CACUL1: variants seen among roughly 807,000 people sequenced by gnomAD.
CACUL1 encodes the protein CDK2 associated cullin domain 1.
In CACUL1, 13 loss-of-function variants were observed where a neutral mutation model predicts 45.2. That is an observed-to-expected ratio of 0.29 (90% CI 0.19 to 0.46). CACUL1 has a LOEUF of 0.46. CACUL1 is among the 20% of genes least tolerant of loss of function. CACUL1 has a pLI of 1.00. For missense variants in CACUL1, 421 were observed against 471.4 expected (o/e 0.89, Z 0.99); for synonymous variants, 197 against 174.2 (o/e 1.13, Z -1.03).
intron 3 of CACUL1, among the ~76,000 whole-genome samples, chr10:118,725,395 G>A (rs1357322107): frequency 6.6e-6 from 1 of 152,180 alleles, no homozygotes; most frequent in Non-Finnish European, 1.5e-5. Flanking sequence ...TTGAGCCCAG[G>A]AGGTCAAGGC....
chr10:118,683,025 AC>A lies in CACUL1; in HGVS notation c.*3102del, dbSNP rs1282390863. On this transcript the variant is annotated 3_prime_UTR_variant, in exon 9 of 9. Transcript: ENST00000369151. ...AACACCAGGTTTTGCTTTCTGCCCC[AC>A]AAAAAAACAGTAGTTAATTCCTGTC... 1.3e-5 allele frequency: 2 copies of A among 152,224 alleles called. No individual in the cohort carries two copies. Among genetic ancestry groups the A allele is most frequent in the African/African-American group, 4.8e-5 (2 of 41,450 alleles). 9.4% of individuals were successfully genotyped at this position (152,224 alleles called of 1,614,324 possible).
rs370652694 is a variant in CACUL1, at chr10:118,706,794, CAG to C, written c.693+696_693+697del. On this transcript the variant is annotated intron_variant, in intron 4 of 8. Transcript: ENST00000369151. ...TGGAAAGTGCCTTCTAAATTAAAGACAGGGGTAGTTTTGTTTTGTTTTTGTTA... is the reference window on the plus strand; with the variant it reads ...TGGAAAGTGCCTTCTAAATTAAAGACGGGTAGTTTTGTTTTGTTTTTGTTA... Among the ~76,000 whole-genome samples the C allele has an allele frequency of 6.2e-3, 940 of 152,242 alleles. 2 individuals carry two copies. Among genetic ancestry groups the C allele is most frequent in the Admixed American group, 0.015 (222 of 15,304 alleles).
chr10:118,720,531 C>T (rs1240416357), intron 3 of CACUL1, among the ~76,000 whole-genome samples: 1 of 152,166 alleles, frequency 6.6e-6, no homozygotes, highest in Non-Finnish European at 1.5e-5. Context: ...GTACTCTGTA[C>T]ACCATGCAAA....
chr10:118,750,788 A>G (rs557730723), intron 1 of CACUL1, among the ~76,000 whole-genome samples: 3 of 79,822 alleles, frequency 3.8e-5, no homozygotes, highest in African/African-American at 1.2e-4. Context: ...TCAGCTTTCT[A>G]ATTTTTGTCA....
At chr10:118,693,030 A>C (rs1845287405) in intron 6 of CACUL1, 2 of 152,278 alleles carry the variant, frequency 1.3e-5, no homozygotes, top group African/African-American at 4.8e-5. Context: ...AGTCAAACCC[A>C]TCTGCCACAA....
intron 7 of CACUL1, among the ~76,000 whole-genome samples, chr10:118,690,495 A>C (rs1017302727): frequency 2.6e-5 from 4 of 152,164 alleles, no homozygotes; most frequent in African/African-American, 9.7e-5. Context: ...ATTAAGCGCA[A>C]AAACTTTAGA....
In CACUL1 at chr10:118,754,888, C is replaced by T. The variant is rs960387493; in HGVS notation, c.-126G>A. On this transcript the variant is annotated 5_prime_UTR_variant, in exon 1 of 9. Transcript: ENST00000369151. ...GCAGGAATGGGCGCAGCGGAGAGGG[C>T]TGCGGTGCGCAGGGTCTCTCGCTCT... 1 of 1,330,826 alleles carries T rather than the reference C, an allele frequency of 7.5e-7. No individual in the cohort carries two copies. The allele number at this position is 1,330,826 out of a possible 1,614,324, so 82.4% of individuals were successfully genotyped here.
chr10:118,720,729 T>C (rs1170957589), intron 3 of CACUL1, among the ~76,000 whole-genome samples: 1 of 152,240 alleles, frequency 6.6e-6, no homozygotes, highest in Admixed American at 6.5e-5. Flanking sequence ...TTTTTGGGCC[T>C]GGTATTATGT....
At chr10:118,731,848 C>T (rs1290562825) in intron 1 of CACUL1, among the ~76,000 whole-genome samples, 2 of 151,984 alleles carry the variant, frequency 1.3e-5, no homozygotes, top group African/African-American at 4.8e-5. Flanking sequence ...AAAAAATCAA[C>T]AAGGCTGTAG....
intron 6 of CACUL1, among the ~76,000 whole-genome samples, chr10:118,691,980 A>C (rs1351912782): frequency 6.6e-6 from 1 of 152,112 alleles, no homozygotes; most frequent in Non-Finnish European, 1.5e-5. Context: ...TTTTGAACAA[A>C]TCTTACAGAA....
chr10:118,678,884 T>C lies in CACUL1; in HGVS notation c.*7244A>G, dbSNP rs1167698165. The C allele has an allele frequency of 2.0e-5, 3 of 152,332 alleles. No homozygotes were observed. Among genetic ancestry groups the C allele is most frequent in the Admixed American group, 6.5e-5 (1 of 15,300 alleles). The allele number at this position is 152,332 out of a possible 1,614,324, so 9.4% of individuals were successfully genotyped here. On this transcript the variant is annotated 3_prime_UTR_variant, in exon 9 of 9. Transcript: ENST00000369151. ...AAATTGATTAGCTGTACTATTTAAATCTTCTATGTCCTTAATAATCTTCAT... is the reference window on the plus strand; with the variant it reads ...AAATTGATTAGCTGTACTATTTAAACCTTCTATGTCCTTAATAATCTTCAT...
At position 118,680,719 on chromosome 10, in the gene CACUL1, A is replaced by G. The variant is rs1845145134; in HGVS notation, c.*5409T>C. 2.0e-5 allele frequency: 3 copies of G among 152,228 alleles called. No individual in the cohort carries two copies. Among genetic ancestry groups the G allele is most frequent in the Admixed American group, 2.0e-4 (3 of 15,288 alleles). 9.4% of individuals were successfully genotyped at this position (152,228 alleles called of 1,614,324 possible). The stretch of plus-strand genomic sequence containing the variant: ...ATATACTGATATCCGTATCCATACT[A>G]TATATGAATATAGAATAGATATGAC... On this transcript the variant is annotated 3_prime_UTR_variant, in exon 9 of 9. Transcript: ENST00000369151.
chr10:118,754,912 C>G lies in CACUL1; in HGVS notation c.-150G>C. The G allele has an allele frequency of 9.0e-7, 1 of 1,114,134 alleles. No homozygotes were observed. The highest frequency in any genetic ancestry group is 1.2e-6 in the Non-Finnish European group (1 of 813,636). The allele number at this position is 1,114,134 out of a possible 1,614,324, so 69.0% of individuals were successfully genotyped here. On this transcript the variant is annotated 5_prime_UTR_variant, in exon 1 of 9. Transcript: ENST00000369151. ...GCTGCGGTGCGCAGGGTCTCTCGCT[C>G]TCCGCGGGGCCGACTAGCTTGAAGA...
rs577313624 is a variant in CACUL1 at position 118,685,826 on chromosome 10, CTG to C, written c.*300_*301del. On this transcript the variant is annotated 3_prime_UTR_variant, in exon 9 of 9. Transcript: ENST00000369151. ...TTTTGGAGGAAGCTGCTGATTTTGG[CTG>C]TCAGATTTCACTTAGAAATGGTCAC... The C allele has an allele frequency of 1.2e-5, 3 of 241,670 alleles. No homozygotes were observed. Among genetic ancestry groups the C allele is most frequent in the African/African-American group, 6.7e-5 (3 of 44,590 alleles). The allele number at this position is 241,670 out of a possible 1,614,324, so 15.0% of individuals were successfully genotyped here. A position where few individuals can be genotyped will look rare whatever the true frequency, so the allele number is the denominator to read the frequency against.
At chr10:118,695,114 A>G in intron 6 of CACUL1, 27 bp downstream of exon 6, 1 of 1,336,996 alleles carries the variant, frequency 7.5e-7, no homozygotes, top group South Asian at 1.2e-5. Flanking sequence ...AACAGTTCCA[A>G]TCCCAACAGA....
chr10:118,751,039 A>G (rs1294575185), intron 1 of CACUL1, among the ~76,000 whole-genome samples: 3 of 152,198 alleles, frequency 2.0e-5, no homozygotes, highest in Non-Finnish European at 4.4e-5. Context: ...ATATTAATAA[A>G]TTCATCTCTT....
chr10:118,711,332 G>A (rs1444263096), intron 3 of CACUL1, among the ~76,000 whole-genome samples: 4 of 152,176 alleles, frequency 2.6e-5, no homozygotes, highest in Admixed American at 1.3e-4. Flanking sequence ...CACCCACTTC[G>A]GCCTCCCGAA....
intron 7 of CACUL1, 77 bp downstream of exon 7, chr10:118,691,188 C>T: frequency 7.8e-7 from 1 of 1,280,906 alleles, no homozygotes; most frequent in Non-Finnish European, 1.1e-6. Flanking sequence ...AGAACCTTAC[C>T]ATTTCTCCCA....
chr10:118,716,775 TG>T lies in CACUL1; in HGVS notation c.598-9189del, dbSNP rs1845550359. On this transcript the variant is annotated intron_variant, in intron 3 of 8. Transcript: ENST00000369151. ...CCGCCACCACGCCTGCCTAATTTTTTGTATTTTTACTAGAGACACGGTTTCA... is the reference window on the plus strand; with the variant it reads ...CCGCCACCACGCCTGCCTAATTTTTTTATTTTTACTAGAGACACGGTTTCA... Among the ~76,000 whole-genome samples the T allele has an allele frequency of 2.0e-5, 3 of 152,248 alleles. 1 individual carries two copies. The South Asian group carries it at 6.2e-4, about 32-fold the overall frequency.
Sources: allele counts gnomAD v4.1 joint callset (sites outside exome capture counted in the v4.1 genomes callset), GRCh38; gene constraint gnomAD v4.1.1; transcripts MANE v1.5; gene names NCBI Gene and HGNC (gene_info 2026-07-23, HGNC 2026-07-21).